The following FLG variants were observed in gnomAD, a reference collection of about 807,000 sequenced individuals.
The protein encoded by FLG is filaggrin.
In FLG, 6 loss-of-function variants were observed where a neutral mutation model predicts 3.8. The observed-to-expected ratio is 1.60, with a 90% CI of 0.87 to 3.15. The LOEUF is 3.15. Among genes scored for constraint, FLG ranks in the 30% most tolerant of loss-of-function variants. FLG has a pLI of 0.00. For missense variants in FLG, 7,595 were observed against 5,050.9 expected, an observed-to-expected ratio of 1.50 and a Z score of -15.27; for synonymous variants, 2,551 against 1,931.6, an observed-to-expected ratio of 1.32 and a Z score of -8.41.
In FLG at chr1:152,309,273, C is replaced by T. The variant is rs568482676; in HGVS notation, c.5613G>A (p.Glu1871=). 15 of 1,613,050 alleles carry T rather than the reference C, an allele frequency of 9.3e-6. No individual in the cohort carries two copies. The Admixed American group carries it at 1.7e-4, about 18-fold the overall frequency. ...SRSVSRQTRN[E]KQSGDGSRHS... ...GCCTGGAGCCGTCTCCTGATTGTTTCTCATTACGTGTTTGTCTGCTGACAC... is the reference window on the plus strand; with the variant it reads ...GCCTGGAGCCGTCTCCTGATTGTTTTTCATTACGTGTTTGTCTGCTGACAC... The change falls in exon 3 of 3, where the codon GAG becomes GAA. Residue 1871 remains glutamate (E), a synonymous_variant. Coordinates refer to ENST00000368799, the MANE Select transcript of FLG (RefSeq NM_002016.2).
chr1:152,321,573 A>G (rs1218088843), intron 1 of FLG, among the ~76,000 whole-genome samples: 1 of 131,898 alleles, frequency 7.6e-6, no homozygotes, highest in African/African-American at 3.2e-5. Flanking sequence ...GATGACATAG[A>G]AGAAATGTCT....
rs545979921 is a variant in FLG at position 152,312,701 on chromosome 1, G to C, written c.2185C>G (p.Gln729Glu). The change falls in exon 3 of 3, where the codon CAA (glutamine) becomes GAA (glutamate). Residue 729 changes from glutamine (Q) to glutamate (E), a missense_variant. Physicochemically the swap from Gln to Glu is conservative, Grantham distance 29. Coordinates refer to ENST00000368799, the MANE Select transcript of FLG (RefSeq NM_002016.2). ...CTGTCTCTGACTGCAGATGAAGCTT[G>C]TCCGTGCCCAGTGCCTGAGTGTCTG... is the stretch of plus-strand genomic sequence containing the variant. The part of the protein sequence containing the change: ...SSRHSGTGHG[Q>E]ASSAVRDSGH... 8 of 1,613,978 alleles carry C rather than the reference G, an allele frequency of 5.0e-6. No homozygotes were observed. The highest frequency in any genetic ancestry group is 1.1e-5 in the South Asian group (1 of 91,060).
Position 152,308,810 on chromosome 1 carries a change from G to A in FLG, c.6076C>T (p.Gln2026Ter). The change falls in exon 3 of 3, where the codon CAA becomes TAA. Residue 2026 changes from glutamine to a stop codon, truncating the protein, a stop_gained. Coordinates refer to ENST00000368799, the MANE Select transcript of FLG (RefSeq NM_002016.2). LOFTEE classifies it low-confidence loss of function (END_TRUNC). ...CTGTCTCTGACTGCAGATGAAGCTT[G>A]TCCATGCCCAATGCCTGAGTGTCTG... ...SSRHSGIGHG[Q>*]ASSAVRDSGH... 1 of 1,614,166 alleles carries A rather than the reference G, an allele frequency of 6.2e-7. No homozygotes were observed. The highest frequency in any genetic ancestry group is 8.5e-7 in the Non-Finnish European group (1 of 1,180,022).
rs1268243919 is a variant in FLG, at chr1:152,310,718, A to G, written c.4168T>C (p.Ser1390Pro). The G allele has an allele frequency of 2.5e-6, 4 of 1,613,286 alleles. No homozygotes were observed. The South Asian group carries it at 4.4e-5, about 18-fold the overall frequency. ...CTGTTAGTGACCTGACTACCACTGG[A>G]CCCTCGGTGTCCACTGTCTCTGACT... ...SAVRDSGHRG[S>P]SGSQVTNSEG... is the part of the protein sequence containing the mutation. The change falls in exon 3 of 3, where the codon TCC becomes CCC. Residue 1390 changes from serine to proline, a missense_variant. By Grantham distance (74) the Ser-to-Pro change is moderately conservative. Coordinates refer to ENST00000368799, the MANE Select transcript of FLG (RefSeq NM_002016.2).
At chr1:152,315,119 T>G (rs1170586644) in intron 2 of FLG, among the ~76,000 whole-genome samples, 200 bp downstream of exon 2, 1 of 152,120 alleles carries the variant, frequency 6.6e-6, no homozygotes, top group Non-Finnish European at 1.5e-5. Flanking sequence ...TATTTATATT[T>G]TTTTCTCTGA....
In FLG at chr1:152,307,175, T is replaced by C; in HGVS notation, c.7711A>G (p.Ser2571Gly). 2.5e-6 allele frequency: 4 copies of C among 1,612,832 alleles called. No homozygotes were observed. In the South Asian group the frequency reaches 3.3e-5, roughly 13 times the overall value. Residue 2571 changes from serine to glycine, a missense_variant, in exon 3 of 3, where the codon AGT becomes GGT. Physicochemically the swap from Ser to Gly is moderately conservative, Grantham distance 56. Coordinates refer to ENST00000368799, the MANE Select transcript of FLG (RefSeq NM_002016.2). ...TCTTCTGAGTGTCCCTGACTGTCAC[T>C]GTCCTGGCTAAAACTGGATCCCCAG... ...RNWGSSFSQD[S>G]DSQGHSEDSE...
At position 152,313,474 on chromosome 1, in the gene FLG, T is replaced by C. The variant is rs1466880873; in HGVS notation, c.1412A>G (p.Gln471Arg). ...RSGRSGSSLY[Q>R]VSTHEQPDSA... ...GTCAGGCTGTTCATGAGTGCTCACCTGGTAGAGGGAAGACCCTGAACGTCC... is the reference window on the plus strand; with the variant it reads ...GTCAGGCTGTTCATGAGTGCTCACCCGGTAGAGGGAAGACCCTGAACGTCC... Residue 471 changes from glutamine to arginine, a missense_variant, in exon 3 of 3, where the codon CAG (glutamine) becomes CGG (arginine). Physicochemically the swap from Gln to Arg is conservative, Grantham distance 43. Transcript: ENST00000368799. The C allele has an allele frequency of 6.2e-7, 1 of 1,613,922 alleles. No individual in the cohort carries two copies. Among genetic ancestry groups the C allele is most frequent in the South Asian group, 1.1e-5 (1 of 91,042 alleles).
Position 152,304,922 on chromosome 1 carries a change from G to T in FLG, c.9964C>A (p.Gln3322Lys), listed in dbSNP as rs554021719. 1 of 1,613,694 alleles carries T rather than the reference G, an allele frequency of 6.2e-7. No individual in the cohort carries two copies. Among genetic ancestry groups the T allele is most frequent in the African/African-American group, 1.3e-5 (1 of 74,814 alleles). The stretch of plus-strand genomic sequence containing the variant: ...CTGTCTCTGACTGCAGATGAAGCTT[G>T]TCCACGCGGAATGCCTGAGTGTCTG... ...SSRHSGIPRG[Q>K]ASSAVRDSRH... Residue 3322 changes from glutamine to lysine, a missense_variant, in exon 3 of 3, where the codon CAA becomes AAA. Physicochemically the swap from Gln to Lys is moderately conservative, Grantham distance 53 (BLOSUM62 1). Transcript: ENST00000368799.
At position 152,303,514 on chromosome 1, in the gene FLG, G is replaced by A. The variant is rs781366465; in HGVS notation, c.11372C>T (p.Thr3791Ile). 3 of 1,614,068 alleles carry A rather than the reference G, an allele frequency of 1.9e-6. No individual in the cohort carries two copies. The East Asian group carries it at 6.7e-5, about 36-fold the overall frequency. ...SGHSGSHHSH[T>I]TSQGRSDASH... Reference sequence around the variant, plus strand: ...GGCATCAGACCTTCCCTGGGATGTGGTGTGGCTGTGATGGGACCCTGAGTG... The same window carrying A: ...GGCATCAGACCTTCCCTGGGATGTGATGTGGCTGTGATGGGACCCTGAGTG... Residue 3791 changes from threonine (T) to isoleucine (I), a missense_variant, in exon 3 of 3, where the codon ACC becomes ATC. Thr to Ile is a moderately conservative substitution (Grantham distance 89, BLOSUM62 -1). Transcript: ENST00000368799.
chr1:152,310,195 G>A lies in FLG; in HGVS notation c.4691C>T (p.Pro1564Leu), dbSNP rs188051186. The change falls in exon 3 of 3, where the codon CCT (proline) becomes CTT (leucine). Residue 1564 changes from proline (P) to leucine (L), a missense_variant. Physicochemically the swap from Pro to Leu is moderately conservative, Grantham distance 98 (BLOSUM62 -3). Transcript: ENST00000368799. Reference protein sequence around the residue: ...SRHSGSRHHEPSTRAGSSRHS... With the variant: ...SRHSGSRHHELSTRAGSSRHS... ...TCTAGAGCTGCCGGCCCGAGTGGAA[G>A]GTTCATGGTGACGTGACCCTGAGTG... The A allele has an allele frequency of 2.0e-5, 32 of 1,613,778 alleles. No individual in the cohort carries two copies. Among genetic ancestry groups the A allele is most frequent in the Admixed American group, 1.3e-4 (8 of 59,978 alleles).
At chr1:152,322,219 T>C (rs1233145492) in intron 1 of FLG, among the ~76,000 whole-genome samples, 1 of 151,204 alleles carries the variant, frequency 6.6e-6, no homozygotes, top group Non-Finnish European at 1.5e-5. Flanking sequence ...TATTGATATA[T>C]ACTATGTATA....
chr1:152,304,254 G>GT lies in FLG; in HGVS notation c.10631dup (p.Asp3544GlufsTer10). On this transcript the variant is annotated frameshift_variant, in exon 3 of 3. Transcript: ENST00000368799. LOFTEE classifies it low-confidence loss of function (END_TRUNC). ...CAGAGTCTTCTGAGTGTCCCTGACT[G>GT]TCACTGTCCTGGCTAACACTGGATC... is the stretch of plus-strand genomic sequence containing the variant. The GT allele has an allele frequency of 6.2e-7, 1 of 1,613,240 alleles. No homozygotes were observed. The highest frequency in any genetic ancestry group is 8.5e-7 in the Non-Finnish European group (1 of 1,179,692).
In FLG at chr1:152,305,292, G is replaced by C; in HGVS notation, c.9594C>G (p.Val3198=). Residue 3198 remains valine, a synonymous_variant, in exon 3 of 3, where the codon GTC becomes GTG. Transcript: ENST00000368799. ...TCCTGGACCCCTCTGATTGTCCCTG[G>C]ACTGCCTGTGAGTGTCTAGAGATGT... The part of the protein sequence containing the change: ...HADISRHSQA[V]QGQSEGSRRS... 1 of 1,611,720 alleles carries C rather than the reference G, an allele frequency of 6.2e-7. No individual in the cohort carries two copies. The highest frequency in any genetic ancestry group is 1.1e-5 in the South Asian group (1 of 90,712).
At position 152,314,371 on chromosome 1, in the gene FLG, T is replaced by G. The variant is rs983814210; in HGVS notation, c.515A>C (p.Glu172Ala). ...KGYSPTHREE[E>A]YGKNHHNSSK... ...TGAGTTATGATGGTTTTTTCCATAT[T>G]CTTCTTCTCTATGAGTAGGTGAATA... The change falls in exon 3 of 3, where the codon GAA (glutamate) becomes GCA (alanine). Residue 172 changes from glutamate (E) to alanine (A), a missense_variant. By Grantham distance (107) the Glu-to-Ala change is moderately radical. Coordinates refer to ENST00000368799, the MANE Select transcript of FLG (RefSeq NM_002016.2). 4 of 1,612,902 alleles carry G rather than the reference T, an allele frequency of 2.5e-6. No individual in the cohort carries two copies. The highest frequency in any genetic ancestry group is 1.3e-5 in the African/African-American group (1 of 74,894).
intron 1 of FLG, among the ~76,000 whole-genome samples, chr1:152,318,602 T>G (rs1242827800): frequency 2.0e-5 from 3 of 151,874 alleles, no homozygotes; most frequent in African/African-American, 7.2e-5. Context: ...TGAGGCAATG[T>G]CATTGGATCC....
Position 152,310,282 on chromosome 1 carries a change from G to C in FLG, c.4604C>G (p.Ser1535Ter), listed in dbSNP as rs1345660124. Residue 1535 changes from serine (S) to a stop codon, truncating the protein, a stop_gained, in exon 3 of 3, where the codon TCA (serine) becomes TGA (stop). Coordinates refer to ENST00000368799, the MANE Select transcript of FLG (RefSeq NM_002016.2). LOFTEE classifies it low-confidence loss of function (END_TRUNC). ...TTGCCTGCTTGCACTTCTGGGTCCTGACTGCCCATGGGAGGCATCAGACCT... is the reference window on the plus strand; with the variant it reads ...TTGCCTGCTTGCACTTCTGGGTCCTCACTGCCCATGGGAGGCATCAGACCT... ...QGRSDASHGQ[S>*]GPRSASRQTR... 3 of 1,613,802 alleles carry C rather than the reference G, an allele frequency of 1.9e-6. No individual in the cohort carries two copies. The highest frequency in any genetic ancestry group is 2.5e-6 in the Non-Finnish European group (3 of 1,179,996).
Position 152,309,533 on chromosome 1 carries a change from T to C in FLG, c.5353A>G (p.Ser1785Gly), listed in dbSNP as rs1479343142. ...SESAHGRTGPSTGGRQRSRHE... is the reference protein window; with the variant it reads ...SESAHGRTGPGTGGRQRSRHE... The stretch of plus-strand genomic sequence containing the variant: ...CGGGATCTTTGTCTTCCTCCAGTGC[T>C]GGGCCCTGTGCGTCCATGGGCGGAC... Residue 1785 changes from serine (S) to glycine (G), a missense_variant, in exon 3 of 3, where the codon AGC becomes GGC. Transcript: ENST00000368799. The C allele has an allele frequency of 6.2e-7, 1 of 1,613,950 alleles. No homozygotes were observed. Among genetic ancestry groups the C allele is most frequent in the South Asian group, 1.1e-5 (1 of 91,064 alleles).
chr1:152,312,450 G>A lies in FLG; in HGVS notation c.2436C>T (p.Pro812=). Reference sequence around the variant, plus strand: ...GGGATCCTTGTCTTACTCCAGTGCTGGGCCCTGTCCATCCATGGGAGGACT... The same window carrying A: ...GGGATCCTTGTCTTACTCCAGTGCTAGGCCCTGTCCATCCATGGGAGGACT... The part of the protein sequence containing the change: ...QSESSHGWTG[P]STGVRQGSHH... Residue 812 remains proline, a synonymous_variant, in exon 3 of 3, where the codon CCC becomes CCT. Transcript: ENST00000368799. 6.2e-7 allele frequency: 1 copy of A among 1,613,586 alleles called. No homozygotes were observed. Among genetic ancestry groups the A allele is most frequent in the Non-Finnish European group, 8.5e-7 (1 of 1,179,892 alleles).
chr1:152,308,555 T>A lies in FLG; in HGVS notation c.6331A>T (p.Thr2111Ser), dbSNP rs769130811. 3.7e-6 allele frequency: 6 copies of A among 1,613,976 alleles called. No homozygotes were observed. Among genetic ancestry groups the A allele is most frequent in the Non-Finnish European group, 5.1e-6 (6 of 1,179,990 alleles). ...ESTHGQSAPS[T>S]GGRQGSHYDQ... is the part of the protein sequence containing the mutation. ...TAATGGGATCCTTGTCTTCCTCCAG[T>A]GCTGGGCGCAGACTGTCCATGGGTG... Residue 2111 changes from threonine to serine, a missense_variant, in exon 3 of 3, where the codon ACT becomes TCT. Physicochemically the swap from Thr to Ser is moderately conservative, Grantham distance 58. Coordinates refer to ENST00000368799, the MANE Select transcript of FLG (RefSeq NM_002016.2).
Sources: allele counts gnomAD v4.1 joint callset (sites outside exome capture counted in the v4.1 genomes callset), GRCh38; gene constraint gnomAD v4.1.1; transcripts MANE v1.5; gene names NCBI Gene and HGNC (gene_info 2026-07-23, HGNC 2026-07-21).